Variants in EXOC3 observed in about 807,000 individuals in gnomAD.
EXOC3 encodes exocyst complex component 3, also known as SEC6-like 1.
A neutral mutation model predicts 73.7 loss-of-function variants in EXOC3; 21 were observed. That is an observed-to-expected ratio of 0.29 (90% CI 0.20 to 0.41). The LOEUF is 0.41. Among genes scored for constraint, EXOC3 ranks in the 10% least tolerant of loss-of-function variants. The probability of loss-of-function intolerance (pLI) is 1.00; values close to 1 mark genes in which losing one functional copy is unlikely to be tolerated. For synonymous variants in EXOC3, 410 were observed against 389.1 expected (o/e 1.05, Z -0.63); for missense variants, 842 against 985.1 (o/e 0.85, Z 1.95).
intron 6 of EXOC3, among the ~76,000 whole-genome samples, chr5:458,618 G>C (rs1007732402): frequency 6.6e-6 from 1 of 152,202 alleles, no homozygotes; most frequent in African/African-American, 2.4e-5. Flanking sequence ...CTCACTAGGT[G>C]TTAGAACCGG....
chr5:459,273 A>G, intron 6 of EXOC3, 86 bp from the exon 7 acceptor site: 1 of 496,872 alleles, frequency 2.0e-6, no homozygotes, highest in Non-Finnish European at 3.4e-6. Context: ...CAGTTAGCAG[A>G]TGGAGGTTTC....
At position 446,269 on chromosome 5, in the gene EXOC3, C is replaced by T. The variant is rs201561285; in HGVS notation, c.64C>T (p.Arg22Cys). ...AVQRVAGMLQ[R>C]PDQLDKVEQY... is the part of the protein sequence containing the mutation. Reference sequence around the variant, plus strand: ...GCAAAGGGTTGCTGGGATGCTCCAGCGCCCGGACCAGCTGGACAAGGTGGA... The same window carrying T: ...GCAAAGGGTTGCTGGGATGCTCCAGTGCCCGGACCAGCTGGACAAGGTGGA... The change falls in exon 2 of 13, where the codon CGC becomes TGC. Residue 22 changes from arginine to cysteine, a missense_variant. By Grantham distance (180) the Arg-to-Cys change is radical. Transcript: ENST00000512944. The T allele has an allele frequency of 2.2e-4, 360 of 1,613,836 alleles. 1 individual carries two copies. Among genetic ancestry groups the T allele is most frequent in the Admixed American group, 3.3e-4 (20 of 60,004 alleles).
At chr5:462,489 A>G (rs889729931) in intron 9 of EXOC3, 182 bp downstream of exon 9, 7 of 616,358 alleles carry the variant, frequency 1.1e-5, no homozygotes, top group Non-Finnish European at 2.0e-5. Context: ...GCTTCGTATG[A>G]TGCAGGGTCC....
chr5:462,464 G>A (rs569273241), intron 9 of EXOC3, 157 bp downstream of exon 9: 18 of 731,846 alleles, frequency 2.5e-5, no homozygotes, highest in Admixed American at 1.3e-4. Context: ...AAGCGCCTCC[G>A]TTTTCGGTGA....
rs560708349 is a variant in EXOC3, at chr5:465,958, A to C, written c.2066+113A>C. 3,836 of 1,275,274 alleles carry C rather than the reference A, an allele frequency of 3.0e-3. 13 individuals carry two copies. The highest frequency in any genetic ancestry group is 3.6e-3 in the Non-Finnish European group (3,314 of 924,100). The allele number at this position is 1,275,274 out of a possible 1,614,324, so 79.0% of individuals were successfully genotyped here. ...TGGTTCGCAAGTTCAGCCCTGCAGC[A>C]CGGCAAGGGTTCAGGTGCGGCACAG... is the stretch of plus-strand genomic sequence containing the variant. On this transcript the variant is annotated intron_variant, in intron 12 of 12. Coordinates refer to ENST00000512944, the MANE Select transcript of EXOC3 (RefSeq NM_007277.5).
chr5:453,447 C>T lies in EXOC3; in HGVS notation c.442C>T (p.Leu148=). 1.9e-6 allele frequency: 3 copies of T among 1,611,548 alleles called. No individual in the cohort carries two copies. Among genetic ancestry groups the T allele is most frequent in the Non-Finnish European group, 2.5e-6 (3 of 1,178,820 alleles). ...LLQAHRKLMD[L]ECSRDGLMYE... ...GCAAGCCCACCGGAAGCTGATGGACCTGGAGTGCTCCCGGGACGGGCTGAT... is the reference window on the plus strand; with the variant it reads ...GCAAGCCCACCGGAAGCTGATGGACTTGGAGTGCTCCCGGGACGGGCTGAT... Residue 148 remains leucine (L), a synonymous_variant, in exon 4 of 13, where the codon CTG becomes TTG. Coordinates refer to ENST00000512944, the MANE Select transcript of EXOC3 (RefSeq NM_007277.5).
chr5:446,520 A>G (rs1242558278), intron 2 of EXOC3, among the ~76,000 whole-genome samples, 171 bp downstream of exon 2: 1 of 152,240 alleles, frequency 6.6e-6, no homozygotes, highest in Non-Finnish European at 1.5e-5. Flanking sequence ...AGCTTTGCTT[A>G]GAAGACAGTG....
At chr5:456,742 C>G in intron 4 of EXOC3, 147 bp from the exon 5 acceptor site, 1 of 683,968 alleles carries the variant, frequency 1.5e-6, no homozygotes, top group South Asian at 1.7e-5. Context: ...CTGCCCTGCA[C>G]TTTCCCCTGA....
chr5:465,344 C>T, intron 11 of EXOC3, 72 bp downstream of exon 11: 1 of 1,495,212 alleles, frequency 6.7e-7, no homozygotes, highest in Non-Finnish European at 9.0e-7. Context: ...CACCCCGGGA[C>T]TCGGGCCAGT....
intron 9 of EXOC3, among the ~76,000 whole-genome samples, chr5:462,763 C>T (rs1738027222): frequency 6.6e-6 from 1 of 152,150 alleles, no homozygotes. Context: ...ATAAAGATGG[C>T]TTAACATTAT....
rs538320933 is a variant in EXOC3, at chr5:459,956, G to A, written c.1391+497G>A. ...GTTTAAAAAACTGTGTTCACCCATCGTGCAGTCCAGAAGCCATCCCCTCCA... is the reference window on the plus strand; with the variant it reads ...GTTTAAAAAACTGTGTTCACCCATCATGCAGTCCAGAAGCCATCCCCTCCA... On this transcript the variant is annotated intron_variant, in intron 7 of 12. Coordinates refer to ENST00000512944, the MANE Select transcript of EXOC3 (RefSeq NM_007277.5). 1.8e-4 allele frequency among the ~76,000 whole-genome samples: 27 copies of A among 152,328 alleles called. No individual in the cohort carries two copies. The East Asian group carries it at 3.7e-3, about 21-fold the overall frequency.
At position 443,199 on chromosome 5, in the gene EXOC3, C is replaced by T. The variant is rs548664886; in HGVS notation, c.-148C>T. On this transcript the variant is annotated 5_prime_UTR_variant, in exon 1 of 13. Coordinates refer to ENST00000512944, the MANE Select transcript of EXOC3 (RefSeq NM_007277.5). ...CCACTTCCGGCCGGGACCCCGGAGG[C>T]GGAGGCAGCGAAGGCGGAGGGGGCG... 6.6e-6 allele frequency: 1 copy of T among 152,380 alleles called. No homozygotes were observed. The highest frequency in any genetic ancestry group is 1.4e-5 in the Non-Finnish European group (1 of 69,148). 9.4% of individuals were successfully genotyped at this position (152,380 alleles called of 1,614,324 possible).
At chr5:449,122 A>G (rs975126375) in intron 3 of EXOC3, among the ~76,000 whole-genome samples, 2 of 152,224 alleles carry the variant, frequency 1.3e-5, no homozygotes, top group African/African-American at 4.8e-5. Context: ...ACAGCAGTTG[A>G]AAATAATTTC....
Position 461,097 on chromosome 5 carries a change from G to A in EXOC3, c.1392-863G>A, listed in dbSNP as rs185528761. The stretch of plus-strand genomic sequence containing the variant: ...TGATTTCAGGGACAGTTTCTGAAAG[G>A]GACATTTTACCTGACATTTGATGAG... On this transcript the variant is annotated intron_variant, in intron 7 of 12. Transcript: ENST00000512944. Among the ~76,000 whole-genome samples, 11 of 152,238 alleles carry A rather than the reference G, an allele frequency of 7.2e-5. No homozygotes were observed. In the East Asian group the frequency reaches 2.1e-3, roughly 29 times the overall value.
rs1430904755 is a variant in EXOC3 at position 443,246 on chromosome 5, GC to G, written c.-100del. 10 of 6,674 alleles carry G rather than the reference GC, an allele frequency of 1.5e-3. No homozygotes were observed. Among genetic ancestry groups the G allele is most frequent in the East Asian group, 4.9e-3 (6 of 1,226 alleles). The allele number at this position is 6,674 out of a possible 1,614,324, so 0.4% of individuals were successfully genotyped here. Reference sequence around the variant, plus strand: ...GGCGGCGGGGGCGGCGGCGGCGGCGGCGGCGGCGGCGGCGGCGGCGGCGGCG... The same window carrying G: ...GGCGGCGGGGGCGGCGGCGGCGGCGGGGCGGCGGCGGCGGCGGCGGCGGCG... On this transcript the variant is annotated 5_prime_UTR_variant, in exon 1 of 13. Coordinates refer to ENST00000512944, the MANE Select transcript of EXOC3 (RefSeq NM_007277.5).
chr5:454,168 C>T, intron 4 of EXOC3, 117 bp downstream of exon 4: 1 of 820,762 alleles, frequency 1.2e-6, no homozygotes, highest in South Asian at 1.8e-5. Flanking sequence ...GTGCTCCGAG[C>T]CCACAGCCTT....
chr5:457,331 T>TGG lies in EXOC3; in HGVS notation c.1164+331_1164+332dup, dbSNP rs11407642. On this transcript the variant is annotated intron_variant, in intron 5 of 12. Transcript: ENST00000512944. ...GGCTCTCGGCTCTGAGTCCCATGGT[T>TGG]GGGGGGGTCCGTCAAGGACCAAAGG... The TGG allele has an allele frequency of 1.6e-3, 536 of 330,100 alleles. 3 individuals are homozygous for TGG. The highest frequency in any genetic ancestry group is 0.013 in the Middle Eastern group (13 of 1,020). The allele number at this position is 330,100 out of a possible 1,614,324, so 20.4% of individuals were successfully genotyped here.
intron 3 of EXOC3, among the ~76,000 whole-genome samples, chr5:452,192 G>T (rs528931507): frequency 6.6e-6 from 1 of 152,218 alleles, no homozygotes; most frequent in Non-Finnish European, 1.5e-5. Context: ...TGTCCACAAG[G>T]TCCCTGAGGC....
At chr5:459,492 A>G (rs1235370864) in intron 7 of EXOC3, 33 bp downstream of exon 7, 1 of 1,179,652 alleles carries the variant, frequency 8.5e-7, no homozygotes, top group South Asian at 1.5e-5. Context: ...TAATGTACAC[A>G]TTGAATGTTT....
Sources: allele counts gnomAD v4.1 joint callset (sites outside exome capture counted in the v4.1 genomes callset), GRCh38; gene constraint gnomAD v4.1.1; transcripts MANE v1.5; gene names NCBI Gene and HGNC (gene_info 2026-07-23, HGNC 2026-07-21).